Variants in ZNF711 observed in about 807,000 individuals in gnomAD.
The protein encoded by ZNF711 is ZFX family zinc finger ZNF711.
Under a neutral mutation model 43.5 loss-of-function variants are expected in ZNF711, and 3 were observed. That is an observed-to-expected ratio of 0.07 (90% CI 0.03 to 0.18). ZNF711 has a LOEUF of 0.18. Among genes scored for constraint, ZNF711 ranks in the 10% least tolerant of loss-of-function variants. The probability of loss-of-function intolerance (pLI) is 1.00; values close to 1 mark genes in which losing one functional copy is unlikely to be tolerated. For missense variants in ZNF711, 412 were observed against 604.0 expected, an observed-to-expected ratio of 0.68 and a Z score of 3.33; for synonymous variants, 209 against 207.7, an observed-to-expected ratio of 1.01 and a Z score of -0.06.
At position 85,271,286 on chromosome X, in the gene ZNF711, G is replaced by A. The variant is rs1426575922; in HGVS notation, c.1882G>A (p.Asp628Asn). 8.3e-7 allele frequency: 1 copy of A among 1,210,416 alleles called. No homozygotes were observed. Among genetic ancestry groups the A allele is most frequent in the South Asian group, 1.8e-5 (1 of 56,832 alleles). ...TGAGAGGGAGCTTCAACGCCATCTG[G>A]ATTTGTTTCAAGGACATAAGACACA... Reference protein sequence around the residue: ...GDERELQRHLDLFQGHKTHQC... With the variant: ...GDERELQRHLNLFQGHKTHQC... The change falls in exon 11 of 11, where the codon GAT becomes AAT. Residue 628 changes from aspartate to asparagine, a missense_variant. Physicochemically the swap from Asp to Asn is conservative, Grantham distance 23. Around this residue, in one of 4 missense-constraint regions of ZNF711, gnomAD observed 375 missense variants for 514.2 expected, o/e 0.73. Transcript: ENST00000674551.
chrX:85,253,968 A>G (rs1450682009), intron 4 of ZNF711, among the ~76,000 whole-genome samples: 1 of 111,469 alleles, frequency 9.0e-6, no homozygotes, highest in Non-Finnish European at 1.9e-5. Context: ...TGAATATATC[A>G]ACAGTGTGTT....
chrX:85,269,358 T>TTTTC (rs760414710), intron 9 of ZNF711, among the ~76,000 whole-genome samples: 1 of 109,462 alleles, frequency 9.1e-6, no homozygotes, highest in African/African-American at 3.4e-5. Context: ...TTTTTTTTCT[T>TTTTC]TTTCTTTCTT....
In ZNF711 at chrX:85,271,075, G is replaced by C. The variant is rs771883077; in HGVS notation, c.1671G>C (p.Gly557=). Residue 557 remains glycine, a synonymous_variant, in exon 11 of 11, where the codon GGG becomes GGC. Transcript: ENST00000674551. ...TTCCTCATGTTTGTGTTGAGTGTGG[G>C]AAGGGTTTTCGACATCCTTCTGAAC... ...KNFPHVCVEC[G]KGFRHPSELK... is the part of the protein sequence containing the mutation. The C allele has an allele frequency of 5.0e-6, 6 of 1,211,167 alleles. No homozygotes were observed. The highest frequency in any genetic ancestry group is 6.7e-6 in the Non-Finnish European group (6 of 895,256).
chrX:85,262,950 T>C (rs1930786763), intron 5 of ZNF711, among the ~76,000 whole-genome samples: 1 of 110,538 alleles, frequency 9.0e-6, no homozygotes, highest in Non-Finnish European at 1.9e-5. Context: ...GAGTGCTGAA[T>C]TAATAGCTTT....
chrX:85,256,393 G>C (rs372224311), intron 5 of ZNF711, among the ~76,000 whole-genome samples: 41 of 111,579 alleles, frequency 3.7e-4, no homozygotes, highest in African/African-American at 1.2e-3. Flanking sequence ...TATCCGAAGC[G>C]GGAAGATAGA....
At position 85,260,811 on chromosome X, in the gene ZNF711, G is replaced by A. The variant is rs535751145; in HGVS notation, c.623-3464G>A. ...GCAGGGGTTAAGGGTGCTGAACCCC[G>A]CCCCCCCTGCTGACATACACACAGT... is the stretch of plus-strand genomic sequence containing the variant. On this transcript the variant is annotated intron_variant, in intron 5 of 10. Coordinates refer to ENST00000674551, the MANE Select transcript of ZNF711 (RefSeq NM_001330574.2). 5.9e-4 allele frequency among the ~76,000 whole-genome samples: 65 copies of A among 109,856 alleles called. 1 individual carries two copies. Among genetic ancestry groups the A allele is most frequent in the African/African-American group, 1.7e-3 (50 of 30,269 alleles).
At chrX:85,248,195 C>G (rs1929213349) in intron 4 of ZNF711, among the ~76,000 whole-genome samples, 1 of 105,302 alleles carries the variant, frequency 9.5e-6, no homozygotes, top group South Asian at 4.3e-4. Context: ...AGAGGCCGGG[C>G]TTCGTGGCTC....
At chrX:85,269,440 G>A (rs1364835390) in intron 9 of ZNF711, among the ~76,000 whole-genome samples, 1 of 104,753 alleles carries the variant, frequency 9.5e-6, no homozygotes, top group Non-Finnish European at 1.9e-5. Flanking sequence ...GTGTGCAGTA[G>A]CACAATCATA....
rs748495474 is a variant in ZNF711, at chrX:85,244,571, C to T, written c.-406+380C>T. Among the ~76,000 whole-genome samples the T allele has an allele frequency of 2.7e-5, 3 of 111,316 alleles. No individual in the cohort carries two copies. The South Asian group carries it at 1.2e-3, about 43-fold the overall frequency. On this transcript the variant is annotated intron_variant, in intron 1 of 10. Coordinates refer to ENST00000674551, the MANE Select transcript of ZNF711 (RefSeq NM_001330574.2). ...GCAGTTTCTCTCAGCTCTCCCTCCA[C>T]CCCATATTCTTTTCACTGGCGCCCC...
chrX:85,263,651 C>A (rs1602990211), intron 5 of ZNF711, among the ~76,000 whole-genome samples: 1 of 109,413 alleles, frequency 9.1e-6, no homozygotes. Flanking sequence ...TATGTGAACT[C>A]ATTTTATGAG....
chrX:85,260,943 A>C (rs764150465), intron 5 of ZNF711, among the ~76,000 whole-genome samples: 31 of 111,777 alleles, frequency 2.8e-4, no homozygotes, highest in African/African-American at 8.7e-4. Context: ...TTTGTATGTT[A>C]TATGTATCAT....
intron 5 of ZNF711, among the ~76,000 whole-genome samples, chrX:85,258,290 A>G (rs996735758): frequency 1.8e-5 from 2 of 111,211 alleles, no homozygotes; most frequent in Admixed American, 1.9e-4. Flanking sequence ...AGAAAACCAA[A>G]TATATGTTTT....
intron 6 of ZNF711, 137 bp downstream of exon 6, chrX:85,264,567 T>C (rs936602338): frequency 1.8e-4 from 101 of 551,346 alleles, no homozygotes; most frequent in Middle Eastern, 5.7e-4. Context: ...CTTTTAAAAA[T>C]TGTATATGAA....
At chrX:85,270,208 A>G (rs1931459045) in intron 10 of ZNF711, 62 bp downstream of exon 10, 1 of 1,114,833 alleles carries the variant, frequency 9.0e-7, no homozygotes, top group Admixed American at 2.4e-5. Context: ...TTTTGTCACC[A>G]AAGAAAAATA....
chrX:85,247,539 T>A lies in ZNF711; in HGVS notation c.-26-8T>A, dbSNP rs747900771. 8 of 1,142,708 alleles carry A rather than the reference T, an allele frequency of 7.0e-6. No homozygotes were observed. The highest frequency in any genetic ancestry group is 9.5e-6 in the Non-Finnish European group (8 of 838,651). The allele number at this position is 1,142,708 out of a possible 1,213,427, so 94.2% of individuals were successfully genotyped here. On this transcript the variant is annotated splice_polypyrimidine_tract_variant and splice_region_variant and intron_variant, in intron 3 of 10. Transcript: ENST00000674551. The stretch of plus-strand genomic sequence containing the variant: ...ATTAAACTATTTTAAAAGCCATTTC[T>A]TTTGCAGATATTGGTGAATGAACTT...
chrX:85,270,301 G>A (rs1189604997), intron 10 of ZNF711, among the ~76,000 whole-genome samples, 155 bp downstream of exon 10: 3 of 93,759 alleles, frequency 3.2e-5, no homozygotes, highest in African/African-American at 1.2e-4. Flanking sequence ...TTTTTACTTT[G>A]TGTGACTGGT....
intron 5 of ZNF711, among the ~76,000 whole-genome samples, chrX:85,260,792 G>C (rs760049151): frequency 9.0e-6 from 1 of 110,527 alleles, no homozygotes; most frequent in Non-Finnish European, 1.9e-5. Flanking sequence ...CAATGCAGGG[G>C]TTAAGGGTGC....
At chrX:85,258,154 G>A (rs1315357219) in intron 5 of ZNF711, among the ~76,000 whole-genome samples, 3 of 112,075 alleles carry the variant, frequency 2.7e-5, no homozygotes, top group Non-Finnish European at 5.6e-5. Flanking sequence ...ATCAATCAAC[G>A]AGTGGATAAA....
intron 7 of ZNF711, among the ~76,000 whole-genome samples, chrX:85,266,751 A>G (rs993703833): frequency 2.8e-5 from 3 of 109,058 alleles, no homozygotes; most frequent in Non-Finnish European, 5.7e-5. Flanking sequence ...AATCTGGCCT[A>G]TTGAAGAGTG....
Sources: gnomAD v4.1 joint callset for allele counts (sites outside exome capture counted in the v4.1 genomes callset) on GRCh38, gnomAD v4.1.1 for gene constraint, gnomAD v4.1.1 regional missense constraint, MANE v1.5 for transcripts, NCBI Gene and HGNC (gene_info 2026-07-23, HGNC 2026-07-21) for gene names.